CTNNA2: variants seen among roughly 807,000 people sequenced by gnomAD.
CTNNA2 encodes the protein catenin alpha 2.
Under a neutral mutation model 101.0 loss-of-function variants are expected in CTNNA2, and 42 were observed. The ratio of observed to expected loss-of-function variants is 0.42; its 90% CI spans 0.32 to 0.54. CTNNA2 has a LOEUF of 0.54. CTNNA2 is among the 20% of genes least tolerant of loss of function. The pLI is 0.14. For missense variants in CTNNA2, 871 were observed against 1,223.1 expected, an observed-to-expected ratio of 0.71 and a Z score of 4.29; for synonymous variants, 450 against 456.4, an observed-to-expected ratio of 0.99 and a Z score of 0.18.
intron 8 of CTNNA2, among the ~76,000 whole-genome samples, chr2:80,400,563 T>C (rs1678462710): frequency 6.6e-6 from 1 of 152,178 alleles, no homozygotes; most frequent in African/African-American, 2.4e-5. Flanking sequence ...ATCTTTGTCC[T>C]CTTTTTGAGC....
At chr2:79,511,357 C>A (rs1285483992), upstream of CTNNA2, among the ~76,000 whole-genome samples, 1 of 152,200 alleles carries the variant, frequency 6.6e-6, no homozygotes, top group African/African-American at 2.4e-5. Context: ...CCTACCTACT[C>A]CAGTCCATAG....
intron 2 of CTNNA2, among the ~76,000 whole-genome samples, chr2:79,680,075 G>C (rs1159303053): frequency 6.6e-6 from 1 of 151,902 alleles, no homozygotes; most frequent in Non-Finnish European, 1.5e-5. Context: ...TTCCTGATTT[G>C]GAAATTTTTA....
At chr2:79,822,706 C>T (rs1678104551) in intron 3 of CTNNA2, among the ~76,000 whole-genome samples, 1 of 152,122 alleles carries the variant, frequency 6.6e-6, no homozygotes, top group Admixed American at 6.6e-5. Flanking sequence ...TCTCATCCTC[C>T]CTGGCCGCTA....
In CTNNA2 at chr2:80,366,678, TC is replaced by T. The variant is rs1257227816; in HGVS notation, c.1057-26531del. 4.6e-5 allele frequency among the ~76,000 whole-genome samples: 7 copies of T among 152,218 alleles called. No homozygotes were observed. The South Asian group carries it at 1.5e-3, about 32-fold the overall frequency. ...CTCCCTTTCATTGCCTCTCCCTTCT[TC>T]CTCCGCTGCTGTTGTTGCAGTGTGT... On this transcript the variant is annotated intron_variant, in intron 7 of 18. Coordinates refer to ENST00000402739, the MANE Select transcript of CTNNA2 (RefSeq NM_001282597.3).
chr2:80,562,467 T>C (rs955230180), intron 12 of CTNNA2, among the ~76,000 whole-genome samples: 6 of 152,216 alleles, frequency 3.9e-5, no homozygotes, highest in Non-Finnish European at 7.3e-5. Context: ...CTATAATATA[T>C]ATACTCTGTT....
intron 7 of CTNNA2, among the ~76,000 whole-genome samples, chr2:80,209,091 A>G (rs1220692591): frequency 6.6e-6 from 1 of 152,202 alleles, no homozygotes; most frequent in Non-Finnish European, 1.5e-5. Context: ...CTGAGACATC[A>G]TTGTGAAACC....
chr2:80,534,925 A>G (rs935246448), intron 9 of CTNNA2, among the ~76,000 whole-genome samples: 2 of 152,194 alleles, frequency 1.3e-5, no homozygotes, highest in Non-Finnish European at 2.9e-5. Flanking sequence ...GCATGACAGC[A>G]AGGAATTAAT....
At chr2:79,349,835 T>A (rs566348481) in intron 3 of CTNNA2, among the ~76,000 whole-genome samples, 1 of 152,270 alleles carries the variant, frequency 6.6e-6, no homozygotes, top group Non-Finnish European at 1.5e-5. Context: ...GTCTGCATAT[T>A]GCTTTTACTC....
chr2:80,642,627 G>T (rs1673618416), intron 18 of CTNNA2, among the ~76,000 whole-genome samples: 1 of 152,164 alleles, frequency 6.6e-6, no homozygotes, highest in South Asian at 2.1e-4. Context: ...GACTTCTGCA[G>T]TCGAATTCTG....
At chr2:79,299,033 T>C (rs1676046289) in intron 2 of CTNNA2, among the ~76,000 whole-genome samples, 1 of 152,338 alleles carries the variant, frequency 6.6e-6, no homozygotes, top group South Asian at 2.1e-4. Flanking sequence ...AGTATTCTCC[T>C]TCATTATTGA....
intron 1 of CTNNA2, among the ~76,000 whole-genome samples, chr2:79,516,659 G>A (rs1280825215): frequency 6.6e-6 from 1 of 152,168 alleles, no homozygotes; most frequent in Non-Finnish European, 1.5e-5. Context: ...ACCCATGGAG[G>A]TAGTTTCAGT....
At chr2:80,272,796 A>C (rs1385951743) in intron 7 of CTNNA2, among the ~76,000 whole-genome samples, 2 of 152,192 alleles carry the variant, frequency 1.3e-5, no homozygotes, top group Admixed American at 1.3e-4. Flanking sequence ...GAAACTGGTC[A>C]TTCTGTATTT....
rs1491331448 is a variant in CTNNA2 at position 79,563,188 on chromosome 2, T to TATATATATATA, written c.-6+49981_-6+49982insATATATATATA. The stretch of plus-strand genomic sequence containing the variant: ...ATATATATATATATATATATATATA[T>TATATATATATA]TTTCCTTCATTCTCTCAGTACTATT... On this transcript the variant is annotated intron_variant, in intron 1 of 18. Transcript: ENST00000402739. Among the ~76,000 whole-genome samples the TATATATATATA allele has an allele frequency of 2.8e-4, 12 of 42,292 alleles. No homozygotes were observed. In the South Asian group the frequency reaches 3.2e-3, roughly 11 times the overall value. 27.7% of individuals were successfully genotyped at this position (42,292 alleles called of 152,430 possible). A position where few individuals can be genotyped will look rare whatever the true frequency, so the allele number is the denominator to read the frequency against.
chr2:80,219,004 C>T (rs1708425027), intron 7 of CTNNA2, among the ~76,000 whole-genome samples: 1 of 152,008 alleles, frequency 6.6e-6, no homozygotes, highest in Non-Finnish European at 1.5e-5. Flanking sequence ...AATATAATCA[C>T]CTGTGTAGAC....
intron 1 of CTNNA2, among the ~76,000 whole-genome samples, chr2:79,528,608 G>C (rs1672559710): frequency 6.6e-6 from 1 of 151,944 alleles, no homozygotes; most frequent in Admixed American, 6.6e-5. Context: ...ATTATTTGTG[G>C]TTTTATTTGT....
At chr2:79,781,383 A>G (rs948960102) in intron 3 of CTNNA2, among the ~76,000 whole-genome samples, 11 of 152,072 alleles carry the variant, frequency 7.2e-5, no homozygotes, top group East Asian at 1.9e-4. Flanking sequence ...CTGACCTCCT[A>G]TCTCTTCCTG....
chr2:79,328,115 C>T (rs758582975), intron 3 of CTNNA2, among the ~76,000 whole-genome samples: 10 of 152,178 alleles, frequency 6.6e-5, no homozygotes, highest in Non-Finnish European at 1.2e-4. Flanking sequence ...CACTATGTAT[C>T]TCCTTAAATT....
At chr2:80,161,513 A>C (rs1704317236) in intron 7 of CTNNA2, among the ~76,000 whole-genome samples, 1 of 152,082 alleles carries the variant, frequency 6.6e-6, no homozygotes. Flanking sequence ...AAATTAGAAA[A>C]CGTTAAGATT....
At chr2:79,854,824 T>C (rs2103930021) in intron 3 of CTNNA2, among the ~76,000 whole-genome samples, 1 of 152,312 alleles carries the variant, frequency 6.6e-6, no homozygotes, top group South Asian at 2.1e-4. Flanking sequence ...TACCCTCTCT[T>C]CACTGCCCCA....
Sources: allele counts gnomAD v4.1 joint callset (sites outside exome capture counted in the v4.1 genomes callset), GRCh38; gene constraint gnomAD v4.1.1; transcripts MANE v1.5; gene names NCBI Gene and HGNC (gene_info 2026-07-23, HGNC 2026-07-21).